Variants in CD226 observed in about 807,000 individuals in gnomAD.
CD226 encodes the protein CD226 antigen.
In CD226, 24 loss-of-function variants were observed where a neutral mutation model predicts 34.9. The ratio of observed to expected loss-of-function variants is 0.69; its 90% confidence interval spans 0.50 to 0.97. The LOEUF (loss-of-function observed/expected upper bound fraction) is 0.97, where lower values mean the gene tolerates loss of function less well. Among genes scored for constraint, CD226 ranks in the 50% least tolerant of loss-of-function variants. CD226 has a pLI of 0.00. For missense variants in CD226, 397 were observed against 412.7 expected, an observed-to-expected ratio of 0.96 and a Z score of 0.33; for synonymous variants, 148 against 147.4, an observed-to-expected ratio of 1.00 and a Z score of -0.03.
At chr18:69,943,452 TA>T (rs1009124527) in intron 2 of CD226, among the ~76,000 whole-genome samples, 5 of 152,222 alleles carry the variant, frequency 3.3e-5, no homozygotes, top group African/African-American at 1.2e-4. Flanking sequence ...TCAGAGTCTC[TA>T]AATCAATTGC....
At chr18:69,876,605 A>G (rs1034763296) in intron 3 of CD226, among the ~76,000 whole-genome samples, 44 of 152,170 alleles carry the variant, frequency 2.9e-4, no homozygotes, top group Non-Finnish European at 5.6e-4. Context: ...AAACTCTCCA[A>G]TTGTGTTTTT....
At chr18:69,917,130 T>A (rs1467063137) in intron 2 of CD226, among the ~76,000 whole-genome samples, 1 of 152,236 alleles carries the variant, frequency 6.6e-6, no homozygotes, top group Non-Finnish European at 1.5e-5. Context: ...CATTACATAG[T>A]ACAGCCAGAG....
intron 1 of CD226, among the ~76,000 whole-genome samples, chr18:69,954,248 T>C (rs1186965515): frequency 6.6e-6 from 1 of 152,128 alleles, no homozygotes; most frequent in Non-Finnish European, 1.5e-5. Context: ...TACATTAGCA[T>C]AGTACAGTCT....
Position 69,946,889 on chromosome 18 carries a change from G to A in CD226, c.227C>T (p.Ala76Val), listed in dbSNP as rs765820071. The A allele has an allele frequency of 5.0e-6, 8 of 1,613,986 alleles. No individual in the cohort carries two copies. Among genetic ancestry groups the A allele is most frequent in the Admixed American group, 3.3e-5 (2 of 59,986 alleles). Reference sequence around the variant, plus strand: ...TGAATTCAAAAAGTAAACCCTCTCAGCATAGGGCTTCCTTATGACCATGCC... The same window carrying A: ...TGAATTCAAAAAGTAAACCCTCTCAACATAGGGCTTCCTTATGACCATGCC... The part of the protein sequence containing the change: ...THGMVIRKPY[A>V]ERVYFLNSTM... Residue 76 changes from alanine (A) to valine (V), a missense_variant, in exon 2 of 6, where the codon GCT becomes GTT. By Grantham distance (64) the Ala-to-Val change is moderately conservative (BLOSUM62 0). Coordinates refer to ENST00000582621, the MANE Select transcript of CD226 (RefSeq NM_001303618.2).
At chr18:69,923,771 G>A (rs949549543) in intron 2 of CD226, among the ~76,000 whole-genome samples, 6 of 151,950 alleles carry the variant, frequency 3.9e-5, no homozygotes, top group South Asian at 4.1e-4. Flanking sequence ...GGCTAAAAAC[G>A]GTGAAACCCC....
chr18:69,907,353 G>C (rs925027615), intron 2 of CD226, among the ~76,000 whole-genome samples: 1 of 152,168 alleles, frequency 6.6e-6, no homozygotes, highest in African/African-American at 2.4e-5. Flanking sequence ...GTCCCACTCT[G>C]TTGCCCAGGC....
chr18:69,960,518 T>C (rs1486622268), upstream of CD226, among the ~76,000 whole-genome samples: 1 of 152,162 alleles, frequency 6.6e-6, no homozygotes, highest in African/African-American at 2.4e-5. Context: ...GACACGATCT[T>C]GGCTCACTGC....
intron 3 of CD226, among the ~76,000 whole-genome samples, chr18:69,885,880 G>A (rs912440241): frequency 1.4e-4 from 21 of 152,090 alleles, no homozygotes; most frequent in Non-Finnish European, 1.5e-5. Flanking sequence ...TGGCGTCAGC[G>A]AAGGATCCCG....
chr18:69,935,327 T>C (rs1034346359), intron 2 of CD226, among the ~76,000 whole-genome samples: 1 of 152,206 alleles, frequency 6.6e-6, no homozygotes, highest in Non-Finnish European at 1.5e-5. Flanking sequence ...TACTCACTAA[T>C]CCTATAAGGA....
chr18:69,875,608 TG>T (rs1173101646), intron 3 of CD226, among the ~76,000 whole-genome samples: 1 of 152,208 alleles, frequency 6.6e-6, no homozygotes, highest in African/African-American at 2.4e-5. Context: ...GAGAGCTCAC[TG>T]GGGTTTTGAT....
chr18:69,886,160 C>T (rs771069665), intron 3 of CD226, among the ~76,000 whole-genome samples: 2 of 152,156 alleles, frequency 1.3e-5, no homozygotes, highest in African/African-American at 2.4e-5. Context: ...ATCCCTGCCC[C>T]TCTATTTATT....
chr18:69,870,799 ATCTGAAGC>A (rs1238849259), intron 4 of CD226, among the ~76,000 whole-genome samples: 1 of 152,198 alleles, frequency 6.6e-6, no homozygotes, highest in Admixed American at 6.5e-5. Flanking sequence ...AAGTCAATAC[ATCTGAAGC>A]TGCAGGATTA....
chr18:69,906,496 T>A (rs2055255011), intron 2 of CD226, among the ~76,000 whole-genome samples: 2 of 152,200 alleles, frequency 1.3e-5, no homozygotes, highest in South Asian at 4.1e-4. Context: ...GGTCCTCTGG[T>A]CTTGCTCAGC....
chr18:69,926,568 C>T (rs528270390), intron 2 of CD226, among the ~76,000 whole-genome samples: 2 of 152,198 alleles, frequency 1.3e-5, no homozygotes, highest in South Asian at 2.1e-4. Flanking sequence ...TGATGGAATG[C>T]CTGGCAAGTG....
At chr18:69,895,568 A>G (rs1044831344) in intron 3 of CD226, 133 bp downstream of exon 3, 8 of 691,300 alleles carry the variant, frequency 1.2e-5, no homozygotes, top group Non-Finnish European at 2.0e-5. Flanking sequence ...CAACTCACCT[A>G]AATTCAGCCA....
intron 2 of CD226, among the ~76,000 whole-genome samples, chr18:69,921,981 T>C (rs889445307): frequency 1.3e-5 from 2 of 152,162 alleles, no homozygotes; most frequent in Admixed American, 1.3e-4. Flanking sequence ...CCAAGAATCT[T>C]CACTGTTTTA....
At chr18:69,908,720 A>C (rs1414609661) in intron 2 of CD226, among the ~76,000 whole-genome samples, 2 of 152,220 alleles carry the variant, frequency 1.3e-5, no homozygotes, top group Non-Finnish European at 2.9e-5. Context: ...TCCTATTCCT[A>C]CTACAGGACA....
At chr18:69,887,563 A>C (rs1292511808) in intron 3 of CD226, among the ~76,000 whole-genome samples, 1 of 152,204 alleles carries the variant, frequency 6.6e-6, no homozygotes, top group East Asian at 1.9e-4. Flanking sequence ...ACCCGTGTCC[A>C]TCATCATCAC....
chr18:69,867,200 A>G (rs1983200060), intron 5 of CD226, among the ~76,000 whole-genome samples, 157 bp downstream of exon 5: 1 of 152,194 alleles, frequency 6.6e-6, no homozygotes, highest in Non-Finnish European at 1.5e-5. Flanking sequence ...TAGTTCAGAA[A>G]ATAACTTTCT....
Sources: gnomAD v4.1 joint callset for allele counts (sites outside exome capture counted in the v4.1 genomes callset) on GRCh38, gnomAD v4.1.1 for gene constraint, MANE v1.5 for transcripts, NCBI Gene and HGNC (gene_info 2026-07-23, HGNC 2026-07-21) for gene names.